PHF24: variants seen among roughly 807,000 people sequenced by gnomAD.
PHF24 encodes Galpha inhibitory interacting protein.
PHF24 carries 25 observed loss-of-function variants against 42.6 expected under a neutral mutation model. The observed-to-expected ratio is 0.59, with a 90% CI of 0.43 to 0.82. The LOEUF is 0.82. Ranked by LOEUF, PHF24 falls within the 40% of genes least tolerant of loss-of-function variation. The pLI is 0.00. For synonymous variants in PHF24, 185 were observed against 204.8 expected, an observed-to-expected ratio of 0.90 and a Z score of 0.83; for missense variants, 470 against 538.1, an observed-to-expected ratio of 0.87 and a Z score of 1.25.
chr9:34,720,075 T>G, the PHF24 span, among the ~76,000 whole-genome samples: 1 of 152,102 alleles, frequency 6.6e-6, no homozygotes, highest in South Asian at 2.1e-4. Context: ...TCCTGCCACC[T>G]CCTCCTCCTA....
intron 1 of PHF24, among the ~76,000 whole-genome samples, chr9:34,969,716 C>A (rs1826906863): frequency 6.6e-6 from 1 of 152,092 alleles, no homozygotes; most frequent in Non-Finnish European, 1.5e-5. Context: ...TCAATTTATT[C>A]CTAGATTTCC....
the PHF24 span, among the ~76,000 whole-genome samples, chr9:34,912,088 C>T: frequency 6.6e-6 from 1 of 152,276 alleles, no homozygotes; most frequent in East Asian, 1.9e-4. Context: ...TCTTTTCATC[C>T]TTTCCAAACC....
the PHF24 span, among the ~76,000 whole-genome samples, chr9:34,915,027 T>A: frequency 1.0e-4 from 2 of 19,150 alleles, no homozygotes; most frequent in Admixed American, 1.2e-3. Flanking sequence ...TTTTCTTTTC[T>A]TTTTTTTTTT....
At chr9:34,935,419 CCTCAT>C in the PHF24 span, among the ~76,000 whole-genome samples, 1 of 151,910 alleles carries the variant, frequency 6.6e-6, no homozygotes, top group Admixed American at 6.6e-5. Flanking sequence ...CATGATGAAA[CCTCAT>C]CTCAACTAAA....
At chr9:34,901,292 T>C in the PHF24 span, among the ~76,000 whole-genome samples, 1 of 152,208 alleles carries the variant, frequency 6.6e-6, no homozygotes, top group African/African-American at 2.4e-5. Context: ...ATTACAAGAA[T>C]AGAAAACTAG....
chr9:34,730,557 G>C, the PHF24 span, among the ~76,000 whole-genome samples: 1 of 152,216 alleles, frequency 6.6e-6, no homozygotes, highest in Non-Finnish European at 1.5e-5. Flanking sequence ...AAAGACATTT[G>C]AGCCGCATTG....
the PHF24 span, chr9:34,724,292 G>T: frequency 1.9e-6 from 3 of 1,551,400 alleles, no homozygotes; most frequent in Non-Finnish European, 2.6e-6. Context: ...CTGGGGTACA[G>T]CTTTGGAATT....
intron 5 of PHF24, 52 bp from the exon 6 acceptor site, chr9:34,977,031 T>C (rs1827214996): frequency 6.5e-7 from 1 of 1,527,370 alleles, no homozygotes. Flanking sequence ...CTCTATGGCT[T>C]GGCAGTTTAC....
the PHF24 span, among the ~76,000 whole-genome samples, chr9:34,931,944 G>A: frequency 6.6e-6 from 1 of 152,244 alleles, no homozygotes; most frequent in African/African-American, 2.4e-5. Context: ...GGGTTATATT[G>A]AAGGGACTTG....
chr9:34,876,811 A>G, the PHF24 span, among the ~76,000 whole-genome samples: 1 of 152,182 alleles, frequency 6.6e-6, no homozygotes, highest in Non-Finnish European at 1.5e-5. Context: ...TGATTCAGCA[A>G]TTTTACTCCT....
At chr9:34,893,563 T>G in the PHF24 span, among the ~76,000 whole-genome samples, 1 of 151,124 alleles carries the variant, frequency 6.6e-6, no homozygotes, top group Admixed American at 6.6e-5. Flanking sequence ...ATTGTGCCGT[T>G]GTACTCCAGC....
At chr9:34,906,491 A>G in the PHF24 span, among the ~76,000 whole-genome samples, 1 of 152,076 alleles carries the variant, frequency 6.6e-6, no homozygotes, top group African/African-American at 2.4e-5. Context: ...GTGCTTTGAC[A>G]TGGTGCTTCC....
the PHF24 span, among the ~76,000 whole-genome samples, chr9:34,742,754 G>A: frequency 6.6e-6 from 1 of 151,790 alleles, no homozygotes; most frequent in African/African-American, 2.4e-5. Context: ...TTTTAAACAG[G>A]GTGAAAAATT....
the PHF24 span, among the ~76,000 whole-genome samples, chr9:34,888,782 C>T: frequency 4.6e-5 from 7 of 152,152 alleles, no homozygotes; most frequent in Non-Finnish European, 8.8e-5. Context: ...CTTATACTGT[C>T]GCCATGTCCA....
the PHF24 span, among the ~76,000 whole-genome samples, chr9:34,765,056 T>C: frequency 2.0e-5 from 3 of 152,122 alleles, no homozygotes; most frequent in Admixed American, 6.5e-5. Context: ...TGCACTGTGG[T>C]CTGAGAGACA....
the PHF24 span, chr9:34,893,007 A>G: frequency 8.5e-6 from 7 of 826,408 alleles, no homozygotes; most frequent in Non-Finnish European, 1.4e-5. Flanking sequence ...GAGCCCTGTG[A>G]TGGCCCCAGT....
At chr9:34,792,945 A>G in the PHF24 span, among the ~76,000 whole-genome samples, 187 of 152,170 alleles carry the variant, frequency 1.2e-3, no homozygotes, top group Middle Eastern at 6.3e-3. Context: ...GTGGACCACA[A>G]ATTCCAGGCA....
the PHF24 span, among the ~76,000 whole-genome samples, chr9:34,904,412 C>T: frequency 2.0e-5 from 3 of 152,108 alleles, no homozygotes; most frequent in South Asian, 2.1e-4. Context: ...ATGCCAATTT[C>T]GCTTAGAGTT....
chr9:34,793,632 C>T, the PHF24 span, among the ~76,000 whole-genome samples: 3 of 152,064 alleles, frequency 2.0e-5, no homozygotes. Flanking sequence ...AACCAGCCTG[C>T]AGTCTAGAAG....
Sources: allele counts gnomAD v4.1 joint callset (sites outside exome capture counted in the v4.1 genomes callset), GRCh38; gene constraint gnomAD v4.1.1; transcripts MANE v1.5; gene names NCBI Gene and HGNC (gene_info 2026-07-23, HGNC 2026-07-21).